Variants in XIRP2 observed in about 807,000 individuals in gnomAD.
XIRP2 encodes the protein xin actin binding repeat containing 2.
A neutral mutation model predicts 277.0 loss-of-function variants in XIRP2; 236 were observed. The ratio of observed to expected loss-of-function variants is 0.85; its 90% confidence interval spans 0.77 to 0.95. XIRP2 has a LOEUF of 0.95. XIRP2 is among the 40% of genes least tolerant of loss of function. XIRP2 has a pLI of 0.00. For missense variants in XIRP2, 4,640 were observed against 4,157.5 expected (o/e 1.12, Z -3.19); for synonymous variants, 1,490 against 1,416.5 (o/e 1.05, Z -1.17).
At chr2:167,051,617 T>C (rs1688916685) in intron 2 of XIRP2, among the ~76,000 whole-genome samples, 1 of 152,102 alleles carries the variant, frequency 6.6e-6, no homozygotes, top group South Asian at 2.1e-4. Context: ...AAGGAAACCT[T>C]AAGACAATAT....
chr2:166,892,858 A>G (rs566507140), intron 1 of XIRP2, among the ~76,000 whole-genome samples: 1 of 146,126 alleles, frequency 6.8e-6, no homozygotes, highest in Non-Finnish European at 1.5e-5. Flanking sequence ...TATATGTTTT[A>G]TATATATATG....
rs372162249 is a variant in XIRP2 at position 167,243,161 on chromosome 2, A to G, written c.1769A>G (p.Asn590Ser). Reference sequence around the variant, plus strand: ...GAGAATCAACCATTGGATTCCATCAACAATGGCTCTCCTGATGAAGGTGAT... The same window carrying G: ...GAGAATCAACCATTGGATTCCATCAGCAATGGCTCTCCTGATGAAGGTGAT... Reference protein sequence around the residue: ...IFENQPLDSINNGSPDEGDIS... With the variant: ...IFENQPLDSISNGSPDEGDIS... The change falls in exon 9 of 11, where the codon AAC (asparagine) becomes AGC (serine). Residue 590 changes from asparagine (N) to serine (S), a missense_variant. By Grantham distance (46) the Asn-to-Ser change is conservative. Transcript: ENST00000409195. 2.6e-4 allele frequency: 417 copies of G among 1,614,064 alleles called. No homozygotes were observed. The highest frequency in any genetic ancestry group is 3.3e-4 in the Non-Finnish European group (391 of 1,180,006).
At position 167,196,266 on chromosome 2, in the gene XIRP2, C is replaced by T. The variant is rs141238373; in HGVS notation, c.563-14469C>T. 2.3e-3 allele frequency among the ~76,000 whole-genome samples: 356 copies of T among 152,034 alleles called. 1 individual carries two copies. Among genetic ancestry groups the T allele is most frequent in the Middle Eastern group, 3.4e-3 (1 of 294 alleles). ...ACATTTTAAAAGTTTGGGCAACATA[C>T]GATTAGAGATTAAATAGTTACTAGA... On this transcript the variant is annotated intron_variant, in intron 3 of 10. Coordinates refer to ENST00000409195, the MANE Select transcript of XIRP2 (RefSeq NM_152381.6).
intron 5 of XIRP2, among the ~76,000 whole-genome samples, chr2:167,231,155 A>T (rs1012861954): frequency 1.3e-5 from 2 of 152,046 alleles, no homozygotes; most frequent in Admixed American, 1.3e-4. Flanking sequence ...TCCAAGCCAG[A>T]TCTGTTTTAT....
intron 2 of XIRP2, among the ~76,000 whole-genome samples, chr2:166,926,823 C>A (rs1685200296): frequency 6.6e-6 from 1 of 152,032 alleles, no homozygotes; most frequent in Admixed American, 6.6e-5. Context: ...AGAACACAGC[C>A]CCAGAATCTA....
intron 2 of XIRP2, among the ~76,000 whole-genome samples, chr2:166,921,264 G>A (rs1340332782): frequency 6.6e-6 from 1 of 152,090 alleles, no homozygotes; most frequent in Non-Finnish European, 1.5e-5. Flanking sequence ...GTAAGAGTAT[G>A]TTTAGTTTGT....
intron 2 of XIRP2, among the ~76,000 whole-genome samples, chr2:166,952,640 G>T (rs1421298454): frequency 6.6e-6 from 1 of 151,724 alleles, no homozygotes; most frequent in Non-Finnish European, 1.5e-5. Context: ...GTCTTCCAAA[G>T]GTGTAGTTTC....
intron 2 of XIRP2, among the ~76,000 whole-genome samples, chr2:167,074,090 A>C (rs925598666): frequency 6.6e-6 from 1 of 152,164 alleles, no homozygotes; most frequent in African/African-American, 2.4e-5. Context: ...AAAACTTTAG[A>C]GTCATGTAAA....
intron 2 of XIRP2, among the ~76,000 whole-genome samples, chr2:166,975,555 G>C (rs1421470601): frequency 4.6e-5 from 7 of 151,974 alleles, no homozygotes; most frequent in Admixed American, 1.3e-4. Context: ...AATTGTAAGG[G>C]GTCAACAGTG....
intron 2 of XIRP2, among the ~76,000 whole-genome samples, chr2:166,982,492 G>C (rs958126932): frequency 6.6e-6 from 1 of 151,136 alleles, no homozygotes; most frequent in South Asian, 2.1e-4. Context: ...TTTTGATATA[G>C]TCCCAGGGAA....
chr2:167,135,887 A>G (rs1239148263), intron 2 of XIRP2, 22 bp from the exon 3 acceptor site: 3 of 1,564,230 alleles, frequency 1.9e-6, no homozygotes, highest in Non-Finnish European at 2.6e-6. Context: ...TTAACATACA[A>G]CCCTTTAATG....
rs749762545 is a variant in XIRP2 at position 167,246,439 on chromosome 2, GA to G, written c.5052del (p.Gly1685GlufsTer5). On this transcript the variant is annotated frameshift_variant, in exon 9 of 11. Coordinates refer to ENST00000409195, the MANE Select transcript of XIRP2 (RefSeq NM_152381.6). LOFTEE classifies it high-confidence loss of function. ...VKKGILIQEDEKGDINMTIYC... is the reference protein window; with the variant it reads ...VKKGILIQEDXKGDINMTIYC... ...GAAAGGCATCTTAATTCAGGAAGAT[GA>G]AAAAGGAGATATTAACATGACTATC... is the stretch of plus-strand genomic sequence containing the variant. 4.3e-6 allele frequency: 7 copies of G among 1,613,672 alleles called. No homozygotes were observed. In the South Asian group the frequency reaches 6.6e-5, roughly 15 times the overall value.
At chr2:167,189,111 C>T (rs1693248505) in intron 3 of XIRP2, among the ~76,000 whole-genome samples, 1 of 152,138 alleles carries the variant, frequency 6.6e-6, no homozygotes, top group Admixed American at 6.6e-5. Context: ...TTACCTTTAC[C>T]ATGTTTGAAA....
At chr2:167,175,753 C>A (rs1158350538) in intron 3 of XIRP2, among the ~76,000 whole-genome samples, 1 of 152,188 alleles carries the variant, frequency 6.6e-6, no homozygotes, top group Admixed American at 6.5e-5. Context: ...CCCCTTCCCC[C>A]AGGTGCTCTG....
Position 167,243,914 on chromosome 2 carries a change from A to C in XIRP2, c.2522A>C (p.Lys841Thr). 6.2e-7 allele frequency: 1 copy of C among 1,614,050 alleles called. No homozygotes were observed. The highest frequency in any genetic ancestry group is 8.5e-7 in the Non-Finnish European group (1 of 1,179,974). ...ATAATAGGTACAGATGTCTCCAGAA[A>C]GTGTTGGATGTTTGAAACCCAGCCA... ...EKIIGTDVSR[K>T]CWMFETQPLD... The change falls in exon 9 of 11, where the codon AAG (lysine) becomes ACG (threonine). Residue 841 changes from lysine (K) to threonine (T), a missense_variant. Lys to Thr is a moderately conservative substitution (Grantham distance 78, BLOSUM62 -1). Transcript: ENST00000409195.
chr2:167,256,293 A>T (rs974262634), intron 10 of XIRP2, among the ~76,000 whole-genome samples: 1 of 150,958 alleles, frequency 6.6e-6, no homozygotes, highest in Admixed American at 6.6e-5. Flanking sequence ...CTTTCTCTCA[A>T]ATTCTTTTCA....
chr2:166,895,832 A>G (rs1323893532), intron 1 of XIRP2, among the ~76,000 whole-genome samples: 1 of 152,150 alleles, frequency 6.6e-6, no homozygotes, highest in Non-Finnish European at 1.5e-5. Context: ...TTTTTAATAG[A>G]ATACAAATAC....
chr2:167,138,370 A>G (rs1371876608), intron 3 of XIRP2, among the ~76,000 whole-genome samples: 1 of 152,282 alleles, frequency 6.6e-6, no homozygotes, highest in Admixed American at 6.5e-5. Context: ...TTCCACTCCA[A>G]TATCCTCAAT....
intron 2 of XIRP2, among the ~76,000 whole-genome samples, chr2:166,928,184 A>G (rs942352198): frequency 6.6e-6 from 1 of 152,114 alleles, no homozygotes; most frequent in African/African-American, 2.4e-5. Flanking sequence ...GTAGTTAAAG[A>G]TAAGTTGGCT....
Sources: gnomAD v4.1 joint callset for allele counts (sites outside exome capture counted in the v4.1 genomes callset) on GRCh38, gnomAD v4.1.1 for gene constraint, MANE v1.5 for transcripts, NCBI Gene and HGNC (gene_info 2026-07-23, HGNC 2026-07-21) for gene names.